The following UBE2G1 variants were observed in gnomAD, a reference collection of about 807,000 sequenced individuals.
The protein encoded by UBE2G1 is ubiquitin-conjugating enzyme E2 G1.
In UBE2G1, 5 loss-of-function variants were observed where a neutral mutation model predicts 22.7. The observed-to-expected ratio is 0.22, with a 90% confidence interval of 0.12 to 0.46. The LOEUF (loss-of-function observed/expected upper bound fraction) is 0.46. Ranked by LOEUF, UBE2G1 falls within the 20% of genes least tolerant of loss-of-function variation. The pLI is 0.99. For synonymous variants in UBE2G1, 74 were observed against 67.5 expected, an observed-to-expected ratio of 1.10 and a Z score of -0.47; for missense variants, 88 against 203.9, an observed-to-expected ratio of 0.43 and a Z score of 3.46.
intron 1 of UBE2G1, among the ~76,000 whole-genome samples, chr17:4,311,705 G>A (rs899375095): frequency 6.6e-6 from 1 of 152,202 alleles, no homozygotes; most frequent in Non-Finnish European, 1.5e-5. Context: ...AAGCTAGATC[G>A]AGCTGGTGGC....
At chr17:4,277,184 G>GC (rs757488062) in intron 5 of UBE2G1, among the ~76,000 whole-genome samples, 5 of 152,176 alleles carry the variant, frequency 3.3e-5, no homozygotes, top group African/African-American at 4.8e-5. Flanking sequence ...GAGAACTCCA[G>GC]CCAACAGGCA....
chr17:4,325,499 T>C (rs1969495962), intron 1 of UBE2G1, among the ~76,000 whole-genome samples: 1 of 152,156 alleles, frequency 6.6e-6, no homozygotes, highest in African/African-American at 2.4e-5. Context: ...AAGACAAAAG[T>C]AAAATAAAGA....
At chr17:4,293,861 A>G (rs1969072356) in intron 3 of UBE2G1, among the ~76,000 whole-genome samples, 1 of 152,152 alleles carries the variant, frequency 6.6e-6, no homozygotes, top group Admixed American at 6.6e-5. Context: ...CACTATTCTT[A>G]GTTCAAGTTT....
intron 1 of UBE2G1, among the ~76,000 whole-genome samples, chr17:4,365,403 A>G (rs1970020831): frequency 6.6e-6 from 1 of 152,218 alleles, no homozygotes; most frequent in Non-Finnish European, 1.5e-5. Context: ...CCCCCTAAAA[A>G]GTCAACCTGG....
At chr17:4,296,953 A>G in intron 2 of UBE2G1, 139 bp from the exon 3 acceptor site, 1 of 687,374 alleles carries the variant, frequency 1.5e-6, no homozygotes, top group Non-Finnish European at 2.5e-6. Flanking sequence ...TCCCACAGGC[A>G]GTTACTTTCT....
intron 1 of UBE2G1, among the ~76,000 whole-genome samples, chr17:4,349,768 G>A (rs758291963): frequency 3.9e-5 from 6 of 151,906 alleles, no homozygotes; most frequent in African/African-American, 4.8e-5. Context: ...GCATGAACCC[G>A]GGAGGCGGAG....
intron 5 of UBE2G1, 114 bp downstream of exon 5, chr17:4,282,684 T>A: frequency 1.5e-6 from 1 of 686,188 alleles, no homozygotes; most frequent in South Asian, 2.0e-5. Context: ...GATAATACCA[T>A]TAAAAAATGA....
rs1285094073 is a variant in UBE2G1, at chr17:4,271,358, T to C, written c.*1196A>G. 6.6e-6 allele frequency: 1 copy of C among 152,656 alleles called. No homozygotes were observed. The highest frequency in any genetic ancestry group is 1.9e-4 in the East Asian group (1 of 5,200). The allele number at this position is 152,656 out of a possible 1,614,324, so 9.5% of individuals were successfully genotyped here. A position where few individuals can be genotyped will look rare whatever the true frequency, so the allele number is the denominator to read the frequency against. ...TTTGCATAAGGAATCAACCTGAGAT[T>C]TTCCTAAACCACTTCTCTGGCACTC... On this transcript the variant is annotated 3_prime_UTR_variant, in exon 6 of 6. Coordinates refer to ENST00000396981, the MANE Select transcript of UBE2G1 (RefSeq NM_003342.5).
At chr17:4,300,154 A>G (rs1338555572) in intron 2 of UBE2G1, among the ~76,000 whole-genome samples, 1 of 151,928 alleles carries the variant, frequency 6.6e-6, no homozygotes, top group Non-Finnish European at 1.5e-5. Context: ...CGAGCAGCCA[A>G]GTTAGCAAAG....
chr17:4,289,467 A>G, intron 3 of UBE2G1, 59 bp from the exon 4 acceptor site: 2 of 1,444,664 alleles, frequency 1.4e-6, no homozygotes, highest in Non-Finnish European at 1.8e-6. Context: ...TACATGAAAT[A>G]TCAATTACAA....
At chr17:4,285,817 G>A (rs1453001708) in intron 4 of UBE2G1, among the ~76,000 whole-genome samples, 1 of 152,102 alleles carries the variant, frequency 6.6e-6, no homozygotes, top group Admixed American at 6.6e-5. Flanking sequence ...TGGGCATGGT[G>A]GCACGCACCT....
At chr17:4,361,681 G>A (rs1969968621) in intron 1 of UBE2G1, among the ~76,000 whole-genome samples, 4 of 152,064 alleles carry the variant, frequency 2.6e-5, no homozygotes, top group Admixed American at 2.6e-4. Flanking sequence ...GCTCATGCCT[G>A]TAATTCCAGC....
Position 4,282,796 on chromosome 17 carries a change from AC to A in UBE2G1, c.*37+1del. On this transcript the variant is annotated splice_donor_variant, in intron 5 of 5. Transcript: ENST00000396981. LOFTEE classifies it low-confidence loss of function (3UTR_SPLICE). ...AAAGTATGATATTTAAAATAAACTT[AC>A]CCTGAAATAAGTGAAGTTACTAGCT... is the stretch of plus-strand genomic sequence containing the variant. 6.4e-7 allele frequency: 1 copy of A among 1,561,312 alleles called. No individual in the cohort carries two copies. Among genetic ancestry groups the A allele is most frequent in the Non-Finnish European group, 8.7e-7 (1 of 1,144,156 alleles).
intron 2 of UBE2G1, among the ~76,000 whole-genome samples, chr17:4,298,495 A>G (rs909952671): frequency 1.3e-5 from 2 of 152,182 alleles, no homozygotes; most frequent in Non-Finnish European, 2.9e-5. Context: ...AGCAAGTATG[A>G]ATTTTTATTG....
intron 1 of UBE2G1, among the ~76,000 whole-genome samples, chr17:4,366,016 C>T (rs894142472): frequency 1.3e-5 from 2 of 151,994 alleles, no homozygotes; most frequent in Non-Finnish European, 2.9e-5. Flanking sequence ...GGGGAGGGGA[C>T]CTCCTCCTCT....
rs537805669 is a variant in UBE2G1 at position 4,338,785 on chromosome 17, G to A, written c.46+27486C>T. 3.9e-5 allele frequency among the ~76,000 whole-genome samples: 6 copies of A among 152,230 alleles called. No homozygotes were observed. The South Asian group carries it at 6.2e-4, about 16-fold the overall frequency. On this transcript the variant is annotated intron_variant, in intron 1 of 5. Coordinates refer to ENST00000396981, the MANE Select transcript of UBE2G1 (RefSeq NM_003342.5). ...TAACAGCAGGTATAGAATAGATGCC[G>A]ATCAATCAGAAAAAATGCCAGAGCT...
chr17:4,289,472 T>C (rs1969008453), intron 3 of UBE2G1, 64 bp from the exon 4 acceptor site: 2 of 1,435,566 alleles, frequency 1.4e-6, no homozygotes, highest in South Asian at 1.5e-5. Context: ...GAAATATCAA[T>C]TACAAATGTG....
chr17:4,284,838 C>CTTTTTTTTTTTTTTT (rs1176508350), intron 4 of UBE2G1, among the ~76,000 whole-genome samples: 2 of 22,318 alleles, frequency 9.0e-5, no homozygotes, highest in Admixed American at 6.6e-4. Flanking sequence ...TCTTTTCTTT[C>CTTTTTTTTTTTTTTT]TTTTTTTTTT....
intron 1 of UBE2G1, among the ~76,000 whole-genome samples, chr17:4,336,770 C>A (rs1287393662): frequency 6.6e-6 from 1 of 151,940 alleles, no homozygotes; most frequent in African/African-American, 2.4e-5. Flanking sequence ...CGCACCCAGC[C>A]AGAACAAAAA....
Sources: gnomAD v4.1 joint callset for allele counts (sites outside exome capture counted in the v4.1 genomes callset) on GRCh38, gnomAD v4.1.1 for gene constraint, MANE v1.5 for transcripts, NCBI Gene and HGNC (gene_info 2026-07-23, HGNC 2026-07-21) for gene names.